Variants in FABP12 observed in about 807,000 individuals in gnomAD.
FABP12 encodes fatty acid-binding protein 12.
In FABP12, 19 loss-of-function variants were observed where a neutral mutation model predicts 13.7. The ratio of observed to expected loss-of-function variants is 1.39; its 90% CI spans 0.97 to 2.04. FABP12 has a LOEUF of 2.04. Among genes scored for constraint, FABP12 ranks in the 30% most tolerant of loss-of-function variants. The pLI is 0.00. For missense variants in FABP12, 182 were observed against 164.2 expected (o/e 1.11, Z -0.59); for synonymous variants, 61 against 57.0 (o/e 1.07, Z -0.32).
chr8:81,582,819 G>A (rs1294264356), intron 1 of FABP12, among the ~76,000 whole-genome samples: 1 of 152,010 alleles, frequency 6.6e-6, no homozygotes, highest in Non-Finnish European at 1.5e-5. Context: ...ACTTAACAAA[G>A]AAATATTGGA....
intron 1 of FABP12, among the ~76,000 whole-genome samples, chr8:81,563,623 C>T (rs1809765064): frequency 6.6e-6 from 1 of 152,022 alleles, no homozygotes. Context: ...AATTCTGAAG[C>T]TGAAAAATGC....
chr8:81,552,163 A>G (rs1448800805), intron 1 of FABP12, among the ~76,000 whole-genome samples: 1 of 152,174 alleles, frequency 6.6e-6, no homozygotes, highest in Non-Finnish European at 1.5e-5. Flanking sequence ...TGAGAAAGTG[A>G]CATTTAAGCA....
chr8:81,543,935 A>G (rs1332660884), intron 1 of FABP12, among the ~76,000 whole-genome samples: 6 of 152,130 alleles, frequency 3.9e-5, no homozygotes, highest in African/African-American at 1.4e-4. Context: ...AGATGAGTGT[A>G]TTTTGAACAA....
chr8:81,573,833 A>T (rs926146892), intron 1 of FABP12, among the ~76,000 whole-genome samples: 5 of 152,038 alleles, frequency 3.3e-5, no homozygotes, highest in African/African-American at 9.7e-5. Flanking sequence ...GAATTCTTTT[A>T]TCAGTTCTAG....
At chr8:81,566,860 G>A (rs1478989886) in intron 1 of FABP12, among the ~76,000 whole-genome samples, 1 of 152,096 alleles carries the variant, frequency 6.6e-6, no homozygotes, top group Non-Finnish European at 1.5e-5. Flanking sequence ...AAAGGAAGAA[G>A]TCAAATTATC....
intron 1 of FABP12, among the ~76,000 whole-genome samples, chr8:81,552,527 T>G (rs912016723): frequency 6.6e-6 from 1 of 152,066 alleles, no homozygotes; most frequent in Non-Finnish European, 1.5e-5. Context: ...GGAGGCAGGA[T>G]GAAAGGAGAC....
exon 3 of FABP12, chr8:81,529,459 C>A (rs16909315): frequency 5.5e-5 from 89 of 1,613,686 alleles, no homozygotes; most frequent in Non-Finnish European, 6.8e-5. Context: ...GGCCACCTGG[C>A]GTGATTTCCT....
At chr8:81,555,962 C>G (rs1585848553) in intron 1 of FABP12, among the ~76,000 whole-genome samples, 1 of 151,852 alleles carries the variant, frequency 6.6e-6, no homozygotes, top group South Asian at 2.1e-4. Flanking sequence ...AGTTTGCGAG[C>G]ATGTAGGAAA....
chr8:81,527,020 C>T, exon 4 of FABP12: 12 of 1,594,792 alleles, frequency 7.5e-6, no homozygotes, highest in Non-Finnish European at 1.0e-5. Context: ...GCTAACTCAC[C>T]ACCACCATTT....
At chr8:81,528,758 T>C (rs1054333463) in intron 3 of FABP12, among the ~76,000 whole-genome samples, 4 of 152,166 alleles carry the variant, frequency 2.6e-5, no homozygotes, top group Admixed American at 1.3e-4. Flanking sequence ...TCCTGAGATA[T>C]GTGCCCTTGA....
At position 81,566,107 on chromosome 8, in the gene FABP12, T is replaced by G. The variant is rs185692294; in HGVS notation, c.-185+23946A>C. On this transcript the variant is annotated intron_variant, in intron 1 of 5. Transcript: ENST00000692030. ...CCTAGACACATACAACCTACCAAGATTGAACCATAAGGAAATCCAAAACCT... is the reference window on the plus strand; with the variant it reads ...CCTAGACACATACAACCTACCAAGAGTGAACCATAAGGAAATCCAAAACCT... Among the ~76,000 whole-genome samples the G allele has an allele frequency of 2.0e-5, 3 of 152,012 alleles. No individual in the cohort carries two copies. The East Asian group carries it at 5.8e-4, about 29-fold the overall frequency.
At chr8:81,572,490 C>G (rs1809950864) in intron 1 of FABP12, among the ~76,000 whole-genome samples, 2 of 152,136 alleles carry the variant, frequency 1.3e-5, no homozygotes, top group African/African-American at 4.8e-5. Flanking sequence ...ATTGCTGGAT[C>G]AAATGGTAGT....
At chr8:81,532,242 C>T (rs1477566678) in intron 1 of FABP12, among the ~76,000 whole-genome samples, 1 of 152,132 alleles carries the variant, frequency 6.6e-6, no homozygotes, top group Non-Finnish European at 1.5e-5. Context: ...TTCCATCAGC[C>T]CCTGAGGACA....
At chr8:81,528,822 A>T (rs1344263461) in intron 3 of FABP12, among the ~76,000 whole-genome samples, 5 of 152,148 alleles carry the variant, frequency 3.3e-5, no homozygotes, top group Non-Finnish European at 7.4e-5. Context: ...TAAAAAGCCC[A>T]TGTCTCTTTA....
At chr8:81,549,905 C>G (rs939082361) in intron 1 of FABP12, among the ~76,000 whole-genome samples, 1 of 152,056 alleles carries the variant, frequency 6.6e-6, no homozygotes, top group Non-Finnish European at 1.5e-5. Context: ...ATCTTTTGTC[C>G]CCAGTGCCAC....
At chr8:81,587,465 T>G (rs1375008530) in intron 1 of FABP12, among the ~76,000 whole-genome samples, 9 of 152,168 alleles carry the variant, frequency 5.9e-5, no homozygotes, top group Admixed American at 5.9e-4. Context: ...CTCTGATTTC[T>G]CTGAACAGTG....
chr8:81,527,307 A>G (rs1318498744), intron 3 of FABP12, among the ~76,000 whole-genome samples, 186 bp from the exon 4 acceptor site: 1 of 152,186 alleles, frequency 6.6e-6, no homozygotes, highest in Non-Finnish European at 1.5e-5. Context: ...TGAAGAAAAA[A>G]GGTTTTACAA....
intron 1 of FABP12, among the ~76,000 whole-genome samples, chr8:81,571,060 T>TA (rs1563555814): frequency 6.6e-6 from 1 of 152,000 alleles, no homozygotes. Context: ...CCCCACTCAG[T>TA]CCCCCCACCC....
chr8:81,540,047 A>G (rs1176722477), intron 1 of FABP12, among the ~76,000 whole-genome samples: 1 of 152,214 alleles, frequency 6.6e-6, no homozygotes, highest in Non-Finnish European at 1.5e-5. Flanking sequence ...TATATTTCTA[A>G]AATTATTCCC....
Sources: allele counts gnomAD v4.1 joint callset (sites outside exome capture counted in the v4.1 genomes callset), GRCh38; gene constraint gnomAD v4.1.1; transcripts MANE v1.5; gene names NCBI Gene and HGNC (gene_info 2026-07-23, HGNC 2026-07-21).